The following XYLB variants were observed in gnomAD, a reference collection of about 807,000 sequenced individuals.
XYLB encodes xylulokinase.
In XYLB, 62 loss-of-function variants were observed where a neutral mutation model predicts 78.7. That is an observed-to-expected ratio of 0.79 (90% confidence interval 0.64 to 0.97). XYLB has a LOEUF of 0.97. Among genes scored for constraint, XYLB ranks in the 50% least tolerant of loss-of-function variants. The probability of loss-of-function intolerance (pLI) is 0.00; values close to 1 mark genes in which losing one functional copy is unlikely to be tolerated. For missense variants in XYLB, 687 were observed against 676.8 expected (o/e 1.02, Z -0.17); for synonymous variants, 245 against 247.4 (o/e 0.99, Z 0.09).
the XYLB span, among the ~76,000 whole-genome samples, chr3:38,428,718 T>A: frequency 6.6e-6 from 1 of 152,250 alleles, no homozygotes. Flanking sequence ...ACACTGTCTT[T>A]TGGTTAGAGT....
chr3:38,372,603 G>A, intron 9 of XYLB, 52 bp from the exon 10 acceptor site: 2 of 1,613,158 alleles, frequency 1.2e-6, no homozygotes, highest in Admixed American at 3.3e-5. Context: ...GCTGTGCTGG[G>A]CAGGCGGGAT....
chr3:38,443,760 CAG>C, the XYLB span, among the ~76,000 whole-genome samples: 728 of 152,218 alleles, frequency 4.8e-3, 5 homozygotes, highest in African/African-American at 0.016. Context: ...AGTCAGGTGA[CAG>C]GGGAGTGTAT....
chr3:38,422,395 A>C (rs1709007039), downstream of XYLB, among the ~76,000 whole-genome samples: 1 of 152,226 alleles, frequency 6.6e-6, no homozygotes, highest in Non-Finnish European at 1.5e-5. Context: ...CAAATAAGCA[A>C]GGGAGAGCAG....
At chr3:38,364,284 T>C (rs1287678906) in intron 4 of XYLB, among the ~76,000 whole-genome samples, 1 of 145,302 alleles carries the variant, frequency 6.9e-6, no homozygotes, top group African/African-American at 2.6e-5. Context: ...GACTCTTGAC[T>C]CTACCATCTC....
chr3:38,352,380 A>G (rs1705413882), intron 2 of XYLB, among the ~76,000 whole-genome samples: 1 of 152,254 alleles, frequency 6.6e-6, no homozygotes, highest in African/African-American at 2.4e-5. Context: ...GTTTTTATGT[A>G]TTGACATGTA....
intron 2 of XYLB, among the ~76,000 whole-genome samples, chr3:38,352,188 A>G (rs76313372): frequency 0.032 from 4,843 of 151,902 alleles, 116 homozygotes; most frequent in African/African-American, 0.062. Context: ...TATACAGTGA[A>G]AAGTCTTTTT....
At chr3:38,381,051 G>A (rs556624037) in intron 15 of XYLB, among the ~76,000 whole-genome samples, 10 of 152,300 alleles carry the variant, frequency 6.6e-5, no homozygotes, top group African/African-American at 1.9e-4. Flanking sequence ...CAGGTGGATT[G>A]CTTGAGTCCA....
chr3:38,348,944 A>C (rs1705214216), intron 2 of XYLB, among the ~76,000 whole-genome samples: 1 of 152,252 alleles, frequency 6.6e-6, no homozygotes, highest in African/African-American at 2.4e-5. Flanking sequence ...GACTGGTATC[A>C]AACAAAGAAT....
At chr3:38,411,633 T>G (rs865774751) in intron 18 of XYLB, among the ~76,000 whole-genome samples, 2 of 151,486 alleles carry the variant, frequency 1.3e-5, no homozygotes, top group Non-Finnish European at 2.9e-5. Context: ...TTAAGTCTTC[T>G]TAGATAAAGG....
intron 4 of XYLB, among the ~76,000 whole-genome samples, chr3:38,364,029 C>G (rs1182238812): frequency 6.6e-6 from 1 of 152,068 alleles, no homozygotes; most frequent in Non-Finnish European, 1.5e-5. Context: ...CTCCCGAATC[C>G]CAGGCCTGGA....
intron 18 of XYLB, among the ~76,000 whole-genome samples, chr3:38,405,760 G>A (rs545525499): frequency 2.0e-4 from 30 of 152,348 alleles, no homozygotes; most frequent in African/African-American, 6.3e-4. Context: ...AGGGTCCTAC[G>A]CCCACGGAGT....
At chr3:38,380,922 G>C (rs1707113531) in intron 15 of XYLB, among the ~76,000 whole-genome samples, 1 of 152,144 alleles carries the variant, frequency 6.6e-6, no homozygotes, top group South Asian at 2.1e-4. Flanking sequence ...GAGCAAAAGA[G>C]GCCAAACATG....
chr3:38,411,547 A>T (rs932437677), intron 18 of XYLB, among the ~76,000 whole-genome samples: 6 of 151,470 alleles, frequency 4.0e-5, no homozygotes, highest in African/African-American at 1.5e-4. Context: ...AATCTGGCAA[A>T]TTTTTTGCCA....
intron 18 of XYLB, among the ~76,000 whole-genome samples, chr3:38,410,571 C>A (rs1035876188): frequency 6.6e-6 from 1 of 152,066 alleles, no homozygotes; most frequent in Non-Finnish European, 1.5e-5. Context: ...GCACAGCAAA[C>A]GAAACTACCA....
rs972632072 is a variant in XYLB at position 38,355,825 on chromosome 3, C to G, written c.141-4514C>G. 7 of 703,078 alleles carry G rather than the reference C, an allele frequency of 1.0e-5. No individual in the cohort carries two copies. The African/African-American group carries it at 1.0e-4, about 11-fold the overall frequency. 43.6% of individuals were successfully genotyped at this position (703,078 alleles called of 1,614,324 possible). ...TGACTGCATGGAGCAGAACTCCCCACTCCCCACTCATGTTCCTAACCACCT... is the reference window on the plus strand; with the variant it reads ...TGACTGCATGGAGCAGAACTCCCCAGTCCCCACTCATGTTCCTAACCACCT... On this transcript the variant is annotated intron_variant, in intron 2 of 18. Coordinates refer to ENST00000207870, the MANE Select transcript of XYLB (RefSeq NM_005108.4).
intron 4 of XYLB, among the ~76,000 whole-genome samples, chr3:38,364,406 G>C (rs533347821): frequency 1.3e-5 from 2 of 151,938 alleles, no homozygotes; most frequent in African/African-American, 4.8e-5. Flanking sequence ...TCAGCTCTGT[G>C]CACGCTGCTC....
At chr3:38,373,684 G>A (rs749027558) in intron 10 of XYLB, among the ~76,000 whole-genome samples, 5 of 152,288 alleles carry the variant, frequency 3.3e-5, no homozygotes, top group Middle Eastern at 6.8e-3. Context: ...CTAGATCCAA[G>A]GCTTCTGACA....
At chr3:38,442,701 G>A in the XYLB span, among the ~76,000 whole-genome samples, 1 of 149,204 alleles carries the variant, frequency 6.7e-6, no homozygotes, top group Non-Finnish European at 1.5e-5. Context: ...TAGAATTGGG[G>A]TGTTGCAGGG....
chr3:38,372,218 G>A (rs1481245589), intron 9 of XYLB, among the ~76,000 whole-genome samples: 6 of 151,934 alleles, frequency 3.9e-5, no homozygotes, highest in Non-Finnish European at 5.9e-5. Context: ...GCACGTTCAC[G>A]TCCAATTATT....
Sources: gnomAD v4.1 joint callset for allele counts (sites outside exome capture counted in the v4.1 genomes callset) on GRCh38, gnomAD v4.1.1 for gene constraint, MANE v1.5 for transcripts, NCBI Gene and HGNC (gene_info 2026-07-23, HGNC 2026-07-21) for gene names.